CACNA2D3: variants seen among roughly 807,000 people sequenced by gnomAD.
CACNA2D3 encodes voltage-dependent calcium channel subunit alpha-2/delta-3.
Under a neutral mutation model 160.6 loss-of-function variants are expected in CACNA2D3, and 60 were observed. That is an observed-to-expected ratio of 0.37 (90% CI 0.30 to 0.46). The LOEUF (loss-of-function observed/expected upper bound fraction) is 0.46, where lower values mean the gene tolerates loss of function less well. Ranked by LOEUF, CACNA2D3 falls within the 20% of genes least tolerant of loss-of-function variation. CACNA2D3 has a pLI of 1.00. For missense variants in CACNA2D3, 1,205 were observed against 1,365.0 expected (o/e 0.88, Z 1.85); for synonymous variants, 558 against 492.9 (o/e 1.13, Z -1.75).
At chr3:54,431,564 G>T (rs1192526473) in intron 4 of CACNA2D3, among the ~76,000 whole-genome samples, 1 of 151,982 alleles carries the variant, frequency 6.6e-6, no homozygotes, top group Non-Finnish European at 1.5e-5. Flanking sequence ...TTGTTTAAGG[G>T]TCAACTGTAT....
chr3:54,789,184 G>A (rs1399851969), intron 13 of CACNA2D3, among the ~76,000 whole-genome samples: 1 of 151,970 alleles, frequency 6.6e-6, no homozygotes, highest in East Asian at 1.9e-4. Context: ...TTATGAGATA[G>A]GTATTATTGT....
In CACNA2D3 at chr3:54,440,733, G is replaced by A. The variant is rs553326614; in HGVS notation, c.381+53959G>A. On this transcript the variant is annotated intron_variant, in intron 4 of 37. Transcript: ENST00000474759. The stretch of plus-strand genomic sequence containing the variant: ...TTCCCACCTATGAGTGAGAACATGC[G>A]GTGTTTGGTTTTTTGTCCTTGCGAT... 3.0e-4 allele frequency among the ~76,000 whole-genome samples: 46 copies of A among 152,114 alleles called. 1 individual carries two copies. The highest frequency in any genetic ancestry group is 9.6e-4 in the African/African-American group (40 of 41,488).
chr3:54,449,209 C>G (rs1700267253), intron 4 of CACNA2D3, among the ~76,000 whole-genome samples: 2 of 152,294 alleles, frequency 1.3e-5, no homozygotes, highest in South Asian at 4.1e-4. Flanking sequence ...AGTGAATGGA[C>G]AAACCACAAG....
intron 34 of CACNA2D3, among the ~76,000 whole-genome samples, chr3:55,015,789 G>T (rs1030437163): frequency 3.3e-5 from 5 of 152,090 alleles, no homozygotes; most frequent in Non-Finnish European, 7.3e-5. Context: ...AGAAAGAAGT[G>T]AAAAAGATAG....
intron 29 of CACNA2D3, among the ~76,000 whole-genome samples, chr3:54,978,597 A>G (rs1702441998): frequency 6.6e-6 from 1 of 152,236 alleles, no homozygotes. Context: ...GTATTCCAAA[A>G]CAGTAAAACA....
intron 9 of CACNA2D3, among the ~76,000 whole-genome samples, chr3:54,622,857 T>C (rs540318537): frequency 1.2e-4 from 19 of 152,296 alleles, no homozygotes; most frequent in Admixed American, 1.2e-3. Context: ...GTCAAAGCAC[T>C]GGCTGTTAAA....
chr3:54,386,013 T>G (rs1369490641), intron 3 of CACNA2D3: 1 of 494,552 alleles, frequency 2.0e-6, no homozygotes, highest in Admixed American at 2.1e-5. Context: ...AAAAATGATT[T>G]TGATTGTTGA....
At chr3:54,860,852 C>G (rs1241154728) in intron 17 of CACNA2D3, among the ~76,000 whole-genome samples, 2 of 151,878 alleles carry the variant, frequency 1.3e-5, no homozygotes, top group Non-Finnish European at 2.9e-5. Flanking sequence ...AAAATGAGAA[C>G]AAAAAAATAG....
chr3:54,276,110 G>A (rs1702732903), intron 2 of CACNA2D3, among the ~76,000 whole-genome samples: 1 of 152,074 alleles, frequency 6.6e-6, no homozygotes, highest in African/African-American at 2.4e-5. Flanking sequence ...CTCCCTGCAG[G>A]GATGGGTTGG....
In CACNA2D3 at chr3:54,122,798, G is replaced by A. The variant is rs1297974811; in HGVS notation, c.85G>A (p.Asp29Asn). The change falls in exon 1 of 38, where the codon GAC (aspartate) becomes AAC (asparagine). Residue 29 changes from aspartate (D) to asparagine (N), a missense_variant. This residue lies in a region of CACNA2D3 where 163 missense variants were observed against 161.3 expected (regional missense o/e 1.01). Transcript: ENST00000474759. ...AAALLYAALG[D>N]VVRSEQQIPL... ...CGCGCTTCTCTACGCCGCGCTGGGG[G>A]ACGTGGTGCGCTCGGAGCAGCAGAT... 3.2e-6 allele frequency: 4 copies of A among 1,232,292 alleles called. No homozygotes were observed. The East Asian group carries it at 9.6e-5, about 30-fold the overall frequency. 76.3% of individuals were successfully genotyped at this position (1,232,292 alleles called of 1,614,324 possible). A position where few individuals can be genotyped will look rare whatever the true frequency, so the allele number is the denominator to read the frequency against.
chr3:54,966,425 A>G (rs957851590), intron 27 of CACNA2D3, among the ~76,000 whole-genome samples: 4 of 152,232 alleles, frequency 2.6e-5, no homozygotes, highest in Non-Finnish European at 5.9e-5. Context: ...TGTGTTGTGT[A>G]GTCTGGCCAC....
chr3:54,579,961 A>G (rs771509863), intron 8 of CACNA2D3, among the ~76,000 whole-genome samples: 1 of 152,166 alleles, frequency 6.6e-6, no homozygotes, highest in African/African-American at 2.4e-5. Context: ...GATGAACGAG[A>G]GGGCACAAGC....
intron 32 of CACNA2D3, among the ~76,000 whole-genome samples, chr3:55,005,279 AAAATTAAATT>A (rs564103756): frequency 2.6e-5 from 4 of 152,078 alleles, no homozygotes; most frequent in East Asian, 3.9e-4. Context: ...GCCTCTCAAA[AAAATTAAATT>A]AAATTAAATT....
intron 11 of CACNA2D3, among the ~76,000 whole-genome samples, chr3:54,716,335 A>AT (rs950671668): frequency 5.3e-5 from 8 of 152,140 alleles, no homozygotes; most frequent in Non-Finnish European, 1.2e-4. Context: ...TGTGTGGCCG[A>AT]TACCTTTTCT....
intron 11 of CACNA2D3, among the ~76,000 whole-genome samples, chr3:54,697,014 C>T (rs924997826): frequency 3.3e-5 from 5 of 152,232 alleles, no homozygotes; most frequent in Non-Finnish European, 4.4e-5. Context: ...CTGTGACTCA[C>T]GCCTGTAATC....
rs963410083 is a variant in CACNA2D3 at position 55,049,658 on chromosome 3, T to C, written c.2988-23787T>C. 2.6e-4 allele frequency among the ~76,000 whole-genome samples: 39 copies of C among 147,554 alleles called. 2 individuals carry two copies. Among genetic ancestry groups the C allele is most frequent in the Non-Finnish European group, 1.5e-5 (1 of 67,378 alleles). ...GCTGAGTTCAATTCCTGGGTATCCT[T>C]GTTGACTTTCTGTCTCGTTGATCTG... On this transcript the variant is annotated intron_variant, in intron 35 of 37. Transcript: ENST00000474759.
chr3:54,446,015 G>T (rs2106805535), intron 4 of CACNA2D3, among the ~76,000 whole-genome samples: 1 of 152,302 alleles, frequency 6.6e-6, no homozygotes, highest in East Asian at 1.9e-4. Context: ...TGAAGCAGGT[G>T]TACATAGCTT....
At chr3:54,928,386 AC>A (rs1265593670) in intron 27 of CACNA2D3, among the ~76,000 whole-genome samples, 2 of 152,068 alleles carry the variant, frequency 1.3e-5, no homozygotes, top group East Asian at 3.9e-4. Context: ...TGACTTATTA[AC>A]CATGCCGGGT....
chr3:54,438,484 G>T (rs1482083421), intron 4 of CACNA2D3, among the ~76,000 whole-genome samples: 1 of 152,146 alleles, frequency 6.6e-6, no homozygotes, highest in Non-Finnish European at 1.5e-5. Flanking sequence ...TTTCATGGCA[G>T]ATTTTAGAGC....
Sources: allele counts gnomAD v4.1 joint callset (sites outside exome capture counted in the v4.1 genomes callset), GRCh38; gene constraint gnomAD v4.1.1; regional missense constraint gnomAD v4.1.1; transcripts MANE v1.5; gene names NCBI Gene and HGNC (gene_info 2026-07-23, HGNC 2026-07-21).